SYNE1: variants seen among roughly 807,000 people sequenced by gnomAD.
The protein encoded by SYNE1 is spectrin repeat containing nuclear envelope protein 1, also known as nesprin-1.
SYNE1 carries 616 observed loss-of-function variants against 1,111.0 expected under a neutral mutation model. The ratio of observed to expected loss-of-function variants is 0.55; its 90% confidence interval spans 0.52 to 0.59. The LOEUF is 0.59. SYNE1 is among the 20% of genes least tolerant of loss of function. The pLI, the probability that SYNE1 is intolerant of heterozygous loss-of-function variation, is 0.00. For synonymous variants in SYNE1, 3,855 were observed against 3,825.8 expected, an observed-to-expected ratio of 1.01 and a Z score of -0.28; for missense variants, 10,006 against 10,417.0, an observed-to-expected ratio of 0.96 and a Z score of 1.72.
intron 39 of SYNE1, among the ~76,000 whole-genome samples, chr6:152,423,440 C>T (rs1303453022): frequency 6.6e-6 from 1 of 152,220 alleles, no homozygotes; most frequent in Non-Finnish European, 1.5e-5. Flanking sequence ...CCCCACTCCT[C>T]CCTCCCCACC....
At chr6:152,267,479 T>C (rs2092819285) in intron 100 of SYNE1, among the ~76,000 whole-genome samples, 1 of 152,154 alleles carries the variant, frequency 6.6e-6, no homozygotes. Flanking sequence ...GGAACTAGAA[T>C]AAAACTCAGA....
intron 25 of SYNE1, among the ~76,000 whole-genome samples, chr6:152,451,468 A>ATTTTTTT (rs145882121): frequency 1.2e-4 from 6 of 49,828 alleles, no homozygotes; most frequent in African/African-American, 4.2e-4. Context: ...CCTGCACCGT[A>ATTTTTTT]TTTTTTTTTT....
chr6:152,427,964 C>T, intron 37 of SYNE1, 148 bp from the exon 38 acceptor site: 1 of 1,254,746 alleles, frequency 8.0e-7, no homozygotes, highest in Non-Finnish European at 1.1e-6. Flanking sequence ...AAAAATCCCT[C>T]CTTTTATTTT....
chr6:152,328,079 T>C (rs1246226825), intron 78 of SYNE1, among the ~76,000 whole-genome samples: 1 of 152,196 alleles, frequency 6.6e-6, no homozygotes, highest in Non-Finnish European at 1.5e-5. Flanking sequence ...GGTTACTTCG[T>C]GTCAGACCCA....
In SYNE1 at chr6:152,301,824, G is replaced by C. The variant is rs754592886; in HGVS notation, c.17541+45C>G. 6.4e-6 allele frequency: 10 copies of C among 1,561,394 alleles called. No individual in the cohort carries two copies. In the Admixed American group the frequency reaches 1.9e-4, roughly 29 times the overall value. ...GAGGGAACATGGAGCCACTCGCCAGGCTCCAGTCAAAGAGCAAAGCCGCGG... is the reference window on the plus strand; with the variant it reads ...GAGGGAACATGGAGCCACTCGCCAGCCTCCAGTCAAAGAGCAAAGCCGCGG... On this transcript the variant is annotated intron_variant, in intron 92 of 145. Transcript: ENST00000367255.
chr6:152,185,574 A>C, intron 128 of SYNE1, among the ~76,000 whole-genome samples: 1 of 152,182 alleles, frequency 6.6e-6, no homozygotes, highest in East Asian at 1.9e-4. Flanking sequence ...TTTAAATATT[A>C]TTTTTCAGAC....
intron 16 of SYNE1, among the ~76,000 whole-genome samples, chr6:152,470,990 T>C (rs2098802391): frequency 6.6e-6 from 1 of 152,198 alleles, no homozygotes; most frequent in Non-Finnish European, 1.5e-5. Flanking sequence ...TGCAGGTCTA[T>C]GATTCTAGTA....
intron 95 of SYNE1, among the ~76,000 whole-genome samples, chr6:152,284,499 C>T (rs2094210528): frequency 1.3e-5 from 2 of 151,792 alleles, no homozygotes; most frequent in African/African-American, 4.8e-5. Flanking sequence ...CACTCTGTCA[C>T]TCAGGCTGGA....
In SYNE1 at chr6:152,148,249, A is replaced by G. The variant is rs771627161; in HGVS notation, c.24772T>C (p.Ser8258Pro). Reference protein sequence around the residue: ...LLSPQPSSNLSLSLAQPLRSE... With the variant: ...LLSPQPSSNLPLSLAQPLRSE... ...CGGAGGGGCTGAGCGAGCGAGAGGG[A>G]GAGATTGGAGGAAGGCTGTGGAGAA... Residue 8258 changes from serine (S) to proline (P), a missense_variant, in exon 137 of 146, where the codon TCC becomes CCC. Ser to Pro is a moderately conservative substitution (Grantham distance 74). Coordinates refer to ENST00000367255, the MANE Select transcript of SYNE1 (RefSeq NM_182961.4). The surrounding 1 kb of genome is among the most constrained non-coding windows in gnomAD (Gnocchi z 4.1). 1.2e-6 allele frequency: 2 copies of G among 1,613,612 alleles called. No homozygotes were observed. The highest frequency in any genetic ancestry group is 2.2e-5 in the South Asian group (2 of 91,016).
chr6:152,290,416 G>A (rs1427945377), intron 95 of SYNE1, among the ~76,000 whole-genome samples: 1 of 152,170 alleles, frequency 6.6e-6, no homozygotes, highest in East Asian at 1.9e-4. Flanking sequence ...AATTAGTCCA[G>A]CGTGGTGGCA....
At position 152,310,459 on chromosome 6, in the gene SYNE1, C is replaced by T. The variant is rs1455225493; in HGVS notation, c.16956G>A (p.Gln5652=). Residue 5652 remains glutamine (Q), a synonymous_variant, in exon 89 of 146, where the codon CAG becomes CAA. Transcript: ENST00000367255. ...CAACTTCTGGAGAAGTCAGTGTTGC[C>T]TGGGCTTGCTCCAAGGCAGCTTGTA... is the stretch of plus-strand genomic sequence containing the variant. ...KKLQAALEQA[Q]ATLTSPEVGR... is the part of the protein sequence containing the mutation. 3 of 1,614,112 alleles carry T rather than the reference C, an allele frequency of 1.9e-6. No individual in the cohort carries two copies. Among genetic ancestry groups the T allele is most frequent in the Admixed American group, 3.3e-5 (2 of 60,012 alleles).
intron 14 of SYNE1, among the ~76,000 whole-genome samples, chr6:152,480,306 A>T (rs923697822): frequency 5.3e-5 from 8 of 152,178 alleles, no homozygotes; most frequent in Non-Finnish European, 1.2e-4. Flanking sequence ...GGATCACTTG[A>T]GGTCAGGAGT....
intron 117 of SYNE1, among the ~76,000 whole-genome samples, 199 bp downstream of exon 117, chr6:152,224,295 A>T (rs944336839): frequency 6.6e-6 from 1 of 152,206 alleles, no homozygotes; most frequent in African/African-American, 2.4e-5. Context: ...GTTATATACC[A>T]GCTAATCCAG....
chr6:152,288,437 A>C (rs934683925), intron 95 of SYNE1, among the ~76,000 whole-genome samples: 3 of 152,218 alleles, frequency 2.0e-5, no homozygotes, highest in African/African-American at 7.2e-5. Flanking sequence ...CCAGGTGTGC[A>C]CTGAAGGTAT....
chr6:152,413,383 A>T lies in SYNE1; in HGVS notation c.6199T>A (p.Trp2067Arg), dbSNP rs1289054203. The part of the protein sequence containing the change: ...DREINRLEVT[W>R]DDTKRLIHEN... Reference sequence around the variant, plus strand: ...TGAATTAGTCTTTTGGTATCATCCCAGGTGACCTCTAAGCGGTTTATCTCC... The same window carrying T: ...TGAATTAGTCTTTTGGTATCATCCCTGGTGACCTCTAAGCGGTTTATCTCC... The change falls in exon 42 of 146, where the codon TGG (tryptophan) becomes AGG (arginine). Residue 2067 changes from tryptophan to arginine, a missense_variant. This residue lies in a region of SYNE1 where 4,955 missense variants were observed against 5,017.2 expected (regional missense o/e 0.99). Transcript: ENST00000367255. 1.2e-6 allele frequency: 2 copies of T among 1,614,174 alleles called. No homozygotes were observed. The highest frequency in any genetic ancestry group is 8.5e-7 in the Non-Finnish European group (1 of 1,180,022).
intron 97 of SYNE1, among the ~76,000 whole-genome samples, chr6:152,278,544 G>C (rs1210183262): frequency 6.6e-6 from 1 of 151,652 alleles, no homozygotes; most frequent in Admixed American, 6.6e-5. Flanking sequence ...CTCACTGCAA[G>C]CTCCGCCTCC....
Position 152,218,991 on chromosome 6 carries a change from G to T in SYNE1, c.22044+12C>A. ...GCCAATATACAGAAGATACTAAATA[G>T]GAGCTCTGTACCTGTAATGAAGTCT... On this transcript the variant is annotated intron_variant, in intron 120 of 145. Transcript: ENST00000367255. 1 of 1,612,998 alleles carries T rather than the reference G, an allele frequency of 6.2e-7. No individual in the cohort carries two copies. The highest frequency in any genetic ancestry group is 8.5e-7 in the Non-Finnish European group (1 of 1,179,674).
chr6:152,211,199 AT>A (rs1416492556), intron 124 of SYNE1, among the ~76,000 whole-genome samples: 4 of 152,210 alleles, frequency 2.6e-5, no homozygotes, highest in Non-Finnish European at 4.4e-5. Flanking sequence ...GGTCATTGAT[AT>A]GGTTCATGCT....
At chr6:152,231,966 A>T (rs1264567599) in intron 113 of SYNE1, 150 bp downstream of exon 113, 1 of 581,554 alleles carries the variant, frequency 1.7e-6, no homozygotes, top group South Asian at 2.2e-5. Context: ...TATAACTGAT[A>T]ATGCATTTTT....
Sources: allele counts gnomAD v4.1 joint callset (sites outside exome capture counted in the v4.1 genomes callset), GRCh38; gene constraint gnomAD v4.1.1; regional missense constraint gnomAD v4.1.1; non-coding constraint Gnocchi (gnomAD v3.1); transcripts MANE v1.5; gene names NCBI Gene and HGNC (gene_info 2026-07-23, HGNC 2026-07-21).